The following LAPTM4B variants were observed in gnomAD, a reference collection of about 807,000 sequenced individuals.
LAPTM4B encodes lysosomal-associated transmembrane protein 4B.
LAPTM4B carries 26 observed loss-of-function variants against 28.5 expected under a neutral mutation model. The ratio of observed to expected loss-of-function variants is 0.91; its 90% CI spans 0.67 to 1.27. The LOEUF is 1.27. Among genes scored for constraint, LAPTM4B ranks in the 50% most tolerant of loss-of-function variants. LAPTM4B has a pLI of 0.00. For synonymous variants in LAPTM4B, 109 were observed against 106.4 expected (o/e 1.02, Z -0.15); for missense variants, 288 against 285.8 (o/e 1.01, Z -0.06).
chr8:97,807,267 C>T (rs2331655), intron 2 of LAPTM4B, among the ~76,000 whole-genome samples: 69,531 of 151,884 alleles, frequency 0.46, 16,286 homozygotes, highest in East Asian at 0.57. Context: ...ATGATTTAAA[C>T]GATAGAAAGT....
At chr8:97,789,507 C>A (rs926837584) in intron 1 of LAPTM4B, among the ~76,000 whole-genome samples, 1 of 151,440 alleles carries the variant, frequency 6.6e-6, no homozygotes, top group African/African-American at 2.4e-5. Context: ...ACCTGACATA[C>A]CCTACCATAC....
intron 6 of LAPTM4B, among the ~76,000 whole-genome samples, chr8:97,846,794 C>G (rs895332181): frequency 1.2e-4 from 18 of 152,182 alleles, no homozygotes; most frequent in African/African-American, 4.3e-4. Flanking sequence ...TGGGTTCAAA[C>G]ATAGACCCAC....
intron 6 of LAPTM4B, among the ~76,000 whole-genome samples, chr8:97,839,184 A>AT (rs1173584777): frequency 6.6e-6 from 1 of 151,516 alleles, no homozygotes; most frequent in Non-Finnish European, 1.5e-5. Flanking sequence ...TCTTCCAACA[A>AT]TTTTTTTTGT....
intron 6 of LAPTM4B, among the ~76,000 whole-genome samples, chr8:97,826,643 G>T (rs907789363): frequency 3.9e-5 from 6 of 151,944 alleles, no homozygotes; most frequent in Non-Finnish European, 8.8e-5. Flanking sequence ...CGAGTAGCTG[G>T]GATTATAGGT....
intron 6 of LAPTM4B, among the ~76,000 whole-genome samples, chr8:97,841,046 GCA>G (rs1817340170): frequency 6.7e-6 from 1 of 149,614 alleles, no homozygotes; most frequent in African/African-American, 2.5e-5. Context: ...CTGGGCAGAG[GCA>G]CTCCTCACTT....
At chr8:97,848,861 G>A (rs1274478738) in intron 6 of LAPTM4B, among the ~76,000 whole-genome samples, 2 of 152,136 alleles carry the variant, frequency 1.3e-5, no homozygotes, top group Non-Finnish European at 2.9e-5. Flanking sequence ...GTGCGCTGGG[G>A]GCTCAGTCCT....
At position 97,781,059 on chromosome 8, in the gene LAPTM4B, G is replaced by A. The variant is rs904020880; in HGVS notation, c.99+4951G>A. Among the ~76,000 whole-genome samples, 23 of 150,570 alleles carry A rather than the reference G, an allele frequency of 1.5e-4. No individual in the cohort carries two copies. The South Asian group carries it at 4.4e-3, about 29-fold the overall frequency. ...GGCTGGAGTGCAGTGGCGTGATCTC[G>A]GCTCACCACAACCTCCGCCTCCTGG... On this transcript the variant is annotated intron_variant, in intron 1 of 6. Transcript: ENST00000521545.
At chr8:97,815,541 A>G (rs1816898044) in intron 3 of LAPTM4B, 140 bp downstream of exon 3, 2 of 683,626 alleles carry the variant, frequency 2.9e-6, no homozygotes, top group Non-Finnish European at 5.0e-6. Context: ...ATTATGTGGT[A>G]CTAGGAAAAC....
At chr8:97,778,765 A>G (rs1018079200) in intron 1 of LAPTM4B, among the ~76,000 whole-genome samples, 1 of 152,174 alleles carries the variant, frequency 6.6e-6, no homozygotes, top group East Asian at 1.9e-4. Context: ...GAACAAAAGT[A>G]TAAAAGAAAA....
rs201881009 is a variant in LAPTM4B, at chr8:97,776,125, C to G, written c.99+17C>G. 860 of 1,486,954 alleles carry G rather than the reference C, an allele frequency of 5.8e-4. 8 individuals carry two copies. In the African/African-American group the frequency reaches 0.011, roughly 18 times the overall value. 92.1% of individuals were successfully genotyped at this position (1,486,954 alleles called of 1,614,324 possible). ...TGGTATCTGGTGAGCGCGGCGCGCC[C>G]GGCCCGGGACCCTGCGTTGCTTCCG... On this transcript the variant is annotated intron_variant, in intron 1 of 6. Coordinates refer to ENST00000521545, the MANE Select transcript of LAPTM4B (RefSeq NM_018407.6).
intron 1 of LAPTM4B, among the ~76,000 whole-genome samples, chr8:97,790,585 A>G (rs1023535249): frequency 6.6e-6 from 1 of 151,958 alleles, no homozygotes; most frequent in African/African-American, 2.4e-5. Context: ...GCTGGGATCC[A>G]GGCATGAGCC....
chr8:97,788,243 T>C, intron 1 of LAPTM4B: 1 of 345,720 alleles, frequency 2.9e-6, no homozygotes, highest in Admixed American at 3.4e-5. Context: ...AGTGTCTCCT[T>C]TTGGAGTTGT....
rs551800027 is a variant in LAPTM4B, at chr8:97,784,729, C to T, written c.99+8621C>T. On this transcript the variant is annotated intron_variant, in intron 1 of 6. Transcript: ENST00000521545. ...TTGGGATTACAGGCATGAGCCACCA[C>T]GCCTGGCCAATGAAAGCAGTTTTTA... Among the ~76,000 whole-genome samples, 16 of 152,288 alleles carry T rather than the reference C, an allele frequency of 1.1e-4. No homozygotes were observed. The South Asian group carries it at 1.2e-3, about 12-fold the overall frequency.
chr8:97,822,695 A>AT (rs1563615192), intron 5 of LAPTM4B, among the ~76,000 whole-genome samples: 1 of 152,018 alleles, frequency 6.6e-6, no homozygotes, highest in African/African-American at 2.4e-5. Context: ...AATGCACTTA[A>AT]TTTTTTAAAA....
intron 6 of LAPTM4B, among the ~76,000 whole-genome samples, chr8:97,833,572 G>A (rs1156407452): frequency 6.6e-6 from 1 of 152,096 alleles, no homozygotes; most frequent in African/African-American, 2.4e-5. Context: ...ATTTTTTGTT[G>A]AAGAAATTAG....
Position 97,841,326 on chromosome 8 carries a change from A to G in LAPTM4B, c.604-10071A>G, listed in dbSNP as rs549530953. Among the ~76,000 whole-genome samples the G allele has an allele frequency of 2.6e-5, 4 of 152,270 alleles. No homozygotes were observed. The South Asian group carries it at 6.2e-4, about 24-fold the overall frequency. On this transcript the variant is annotated intron_variant, in intron 6 of 6. Coordinates refer to ENST00000521545, the MANE Select transcript of LAPTM4B (RefSeq NM_018407.6). ...AAAAAGTTTGGAAAAATTATTCTAGATATCTTTCTCTTTTTTTTGAGATGG... is the reference window on the plus strand; with the variant it reads ...AAAAAGTTTGGAAAAATTATTCTAGGTATCTTTCTCTTTTTTTTGAGATGG...
chr8:97,796,511 TGTTA>T (rs1157651060), intron 1 of LAPTM4B, among the ~76,000 whole-genome samples: 2 of 152,230 alleles, frequency 1.3e-5, no homozygotes, highest in Admixed American at 6.5e-5. Flanking sequence ...TGTCTTAGCA[TGTTA>T]GTTGTTATTT....
At chr8:97,802,600 C>G (rs983682213) in intron 1 of LAPTM4B, among the ~76,000 whole-genome samples, 1 of 152,136 alleles carries the variant, frequency 6.6e-6, no homozygotes, top group African/African-American at 2.4e-5. Flanking sequence ...CACCGACCTC[C>G]TATCTCATCC....
At chr8:97,803,278 C>CT (rs1273648265) in intron 1 of LAPTM4B, among the ~76,000 whole-genome samples, 1 of 149,060 alleles carries the variant, frequency 6.7e-6, no homozygotes, top group Non-Finnish European at 1.5e-5. Context: ...TAAAAATGAA[C>CT]TTTTTTTTTT....
Sources: allele counts gnomAD v4.1 joint callset (sites outside exome capture counted in the v4.1 genomes callset), GRCh38; gene constraint gnomAD v4.1.1; transcripts MANE v1.5; gene names NCBI Gene and HGNC (gene_info 2026-07-23, HGNC 2026-07-21).